The following ABTB3 variants were observed in gnomAD, a reference collection of about 807,000 sequenced individuals.
The protein encoded by ABTB3 is ankyrin repeat- and BTB/POZ domain-containing protein 3.
the ABTB3 span, chr12:107,319,329 C>A: frequency 6.5e-7 from 1 of 1,547,938 alleles, no homozygotes; most frequent in East Asian, 2.4e-5. Flanking sequence ...GACGCGCTGG[C>A]CAAGCTGTCG....
At chr12:107,469,245 G>A in the ABTB3 span, among the ~76,000 whole-genome samples, 7 of 152,306 alleles carry the variant, frequency 4.6e-5, no homozygotes, top group African/African-American at 1.4e-4. Context: ...CCTGTGGGTG[G>A]TTGGCTCCCA....
chr12:107,465,372 C>T, the ABTB3 span, among the ~76,000 whole-genome samples: 12 of 152,108 alleles, frequency 7.9e-5, no homozygotes, highest in African/African-American at 2.9e-4. Flanking sequence ...CTCAGGGTCC[C>T]TAGCTCTGCT....
the ABTB3 span, among the ~76,000 whole-genome samples, chr12:107,359,102 C>A: frequency 2.6e-5 from 4 of 152,220 alleles, no homozygotes; most frequent in East Asian, 7.7e-4. Flanking sequence ...GAAATGCTGT[C>A]ATCTCAGCAT....
chr12:107,564,090 C>CTCTCTG, the ABTB3 span, among the ~76,000 whole-genome samples: 1 of 126,356 alleles, frequency 7.9e-6, no homozygotes, highest in Non-Finnish European at 1.8e-5. Context: ...ATCTATCTCT[C>CTCTCTG]TGTGTGTGTG....
At chr12:107,396,996 A>T in the ABTB3 span, among the ~76,000 whole-genome samples, 1 of 152,222 alleles carries the variant, frequency 6.6e-6, no homozygotes, top group East Asian at 1.9e-4. Context: ...AAATCCATCC[A>T]TGTGAGAGCA....
the ABTB3 span, among the ~76,000 whole-genome samples, chr12:107,386,277 C>A: frequency 6.6e-6 from 1 of 152,170 alleles, no homozygotes; most frequent in Non-Finnish European, 1.5e-5. Context: ...AGATTATATT[C>A]CTCTCCCTTG....
the ABTB3 span, among the ~76,000 whole-genome samples, chr12:107,344,195 C>CA: frequency 2.6e-5 from 4 of 152,140 alleles, no homozygotes; most frequent in Non-Finnish European, 5.9e-5. Flanking sequence ...CCAGTGGAGT[C>CA]AGTCTTTCTT....
chr12:107,322,609 A>G, the ABTB3 span, among the ~76,000 whole-genome samples: 1 of 150,056 alleles, frequency 6.7e-6, no homozygotes, highest in East Asian at 2.0e-4. Context: ...ATCGAAACTT[A>G]TTACAGTTGC....
chr12:107,618,436 C>A, the ABTB3 span: 58 of 1,419,764 alleles, frequency 4.1e-5, no homozygotes, highest in African/African-American at 7.8e-4. Flanking sequence ...TAGGTCCACA[C>A]ACACATGAAC....
chr12:107,580,840 AGAGG>A, the ABTB3 span: 12 of 1,540,448 alleles, frequency 7.8e-6, no homozygotes, highest in Non-Finnish European at 9.6e-6. Flanking sequence ...ATGATCGCCG[AGAGG>A]GATAATATTC....
At chr12:107,319,948 C>G in the ABTB3 span, 1 of 1,570,986 alleles carries the variant, frequency 6.4e-7, no homozygotes, top group Non-Finnish European at 8.6e-7. Context: ...ACCATCACCA[C>G]CACCATGCGC....
chr12:107,381,113 C>T, the ABTB3 span, among the ~76,000 whole-genome samples: 1 of 152,098 alleles, frequency 6.6e-6, no homozygotes, highest in African/African-American at 2.4e-5. Flanking sequence ...CTCTCTTTTC[C>T]TCTATTCTGC....
the ABTB3 span, among the ~76,000 whole-genome samples, chr12:107,573,035 G>A: frequency 6.6e-6 from 1 of 152,176 alleles, no homozygotes; most frequent in African/African-American, 2.4e-5. Context: ...GACAATTTAT[G>A]TAATCACTCA....
the ABTB3 span, among the ~76,000 whole-genome samples, chr12:107,522,766 GGAAGGAAA>G: frequency 5.4e-5 from 7 of 129,166 alleles, no homozygotes; most frequent in Non-Finnish European, 9.8e-5. Flanking sequence ...AAGGAATGAA[GGAAGGAAA>G]GAAGGAAAGA....
the ABTB3 span, among the ~76,000 whole-genome samples, chr12:107,453,211 C>A: frequency 1.3e-5 from 2 of 152,124 alleles, no homozygotes; most frequent in African/African-American, 4.8e-5. Context: ...AGGGACCAGT[C>A]CTGAGGTTGG....
At chr12:107,607,673 C>G in the ABTB3 span, among the ~76,000 whole-genome samples, 4 of 152,190 alleles carry the variant, frequency 2.6e-5, no homozygotes. Flanking sequence ...TCCTTGGAGT[C>G]CGTCTGCGTC....
chr12:107,408,184 G>A, the ABTB3 span, among the ~76,000 whole-genome samples: 2 of 152,180 alleles, frequency 1.3e-5, no homozygotes, highest in African/African-American at 4.8e-5. Flanking sequence ...GAGATTTTCT[G>A]AGAAAGGTAA....
the ABTB3 span, among the ~76,000 whole-genome samples, chr12:107,343,099 C>T: frequency 6.6e-6 from 1 of 152,146 alleles, no homozygotes; most frequent in Admixed American, 6.5e-5. Context: ...ACTGCAGCCT[C>T]GACCCCCCAG....
the ABTB3 span, chr12:107,612,775 C>A: frequency 6.2e-7 from 1 of 1,611,386 alleles, no homozygotes; most frequent in Non-Finnish European, 8.5e-7. Context: ...TTTAACTCAC[C>A]ACAGGGCATG....
Sources: allele counts gnomAD v4.1 joint callset (sites outside exome capture counted in the v4.1 genomes callset), GRCh38; gene constraint gnomAD v4.1.1; transcripts MANE v1.5; gene names NCBI Gene and HGNC (gene_info 2026-07-23, HGNC 2026-07-21).